PTH2R: variants seen among roughly 807,000 people sequenced by gnomAD.
PTH2R encodes the protein PTH2 receptor.
Under a neutral mutation model 60.3 loss-of-function variants are expected in PTH2R, and 59 were observed. The observed-to-expected ratio is 0.98, with a 90% CI of 0.79 to 1.22. The LOEUF (loss-of-function observed/expected upper bound fraction) is 1.22. Ranked by LOEUF, PTH2R falls within the 50% of genes most tolerant of loss-of-function variation. The pLI is 0.00. For synonymous variants in PTH2R, 256 were observed against 243.8 expected (o/e 1.05, Z -0.47); for missense variants, 749 against 682.6 (o/e 1.10, Z -1.08).
chr2:208,436,174 A>G (rs1702071097), intron 2 of PTH2R, among the ~76,000 whole-genome samples: 1 of 152,216 alleles, frequency 6.6e-6, no homozygotes, highest in South Asian at 2.1e-4. Context: ...GAAGGTGATG[A>G]GAACTCAGGT....
intron 2 of PTH2R, among the ~76,000 whole-genome samples, chr2:208,429,462 G>A (rs543086344): frequency 7.0e-4 from 107 of 152,192 alleles, no homozygotes; most frequent in Admixed American, 2.2e-3. Context: ...TAGATATACA[G>A]TAGCCCTCTT....
intron 9 of PTH2R, among the ~76,000 whole-genome samples, chr2:208,460,817 A>G (rs1212197523): frequency 6.6e-6 from 1 of 152,164 alleles, no homozygotes; most frequent in Non-Finnish European, 1.5e-5. Context: ...TATCTTGATA[A>G]TAAATGTTAA....
At chr2:208,473,919 T>C (rs1348640952) in intron 9 of PTH2R, among the ~76,000 whole-genome samples, 1 of 152,176 alleles carries the variant, frequency 6.6e-6, no homozygotes, top group Non-Finnish European at 1.5e-5. Flanking sequence ...CTTAGAATTA[T>C]AGGGTTTTGG....
chr2:208,397,061 A>G (rs186210331), intron 1 of PTH2R, among the ~76,000 whole-genome samples: 49 of 152,296 alleles, frequency 3.2e-4, no homozygotes, highest in African/African-American at 1.2e-3. Context: ...CAAGGACAGA[A>G]AACCAAACCT....
At chr2:208,463,583 A>C (rs1303164363) in intron 9 of PTH2R, among the ~76,000 whole-genome samples, 1 of 150,996 alleles carries the variant, frequency 6.6e-6, no homozygotes, top group Non-Finnish European at 1.5e-5. Flanking sequence ...AGAGTTAATC[A>C]CTGGGCTGCA....
intron 1 of PTH2R, among the ~76,000 whole-genome samples, chr2:208,386,529 A>G (rs1325341209): frequency 2.0e-5 from 3 of 152,158 alleles, no homozygotes; most frequent in Non-Finnish European, 4.4e-5. Context: ...TGTGTGTGTG[A>G]TACAGACAGA....
chr2:208,428,467 C>T (rs931456401), intron 2 of PTH2R, among the ~76,000 whole-genome samples, 164 bp downstream of exon 2: 12 of 152,178 alleles, frequency 7.9e-5, no homozygotes, highest in Admixed American at 6.5e-4. Context: ...TCATCTCTAC[C>T]CTACATGCTT....
chr2:208,362,451 T>G (rs991037824), intron 1 of PTH2R, among the ~76,000 whole-genome samples: 1 of 152,230 alleles, frequency 6.6e-6, no homozygotes, highest in Non-Finnish European at 1.5e-5. Context: ...ATATATGGTA[T>G]CTATGTATCT....
At chr2:208,429,362 T>G (rs534416848) in intron 2 of PTH2R, among the ~76,000 whole-genome samples, 2 of 152,328 alleles carry the variant, frequency 1.3e-5, no homozygotes, top group East Asian at 3.9e-4. Flanking sequence ...AAAAATTCAC[T>G]GGATATTTTT....
At chr2:208,409,697 T>C (rs1559211376) in intron 1 of PTH2R, among the ~76,000 whole-genome samples, 1 of 152,124 alleles carries the variant, frequency 6.6e-6, no homozygotes, top group Non-Finnish European at 1.5e-5. Flanking sequence ...GTTTTAAGGG[T>C]CTCTGTGGTT....
intron 9 of PTH2R, among the ~76,000 whole-genome samples, chr2:208,471,874 G>A (rs933413051): frequency 3.3e-5 from 5 of 152,244 alleles, no homozygotes; most frequent in Admixed American, 6.5e-5. Context: ...AAAGCCAAAA[G>A]GGCAGAGCTG....
At position 208,406,839 on chromosome 2, in the gene PTH2R, G is replaced by C. The variant is rs1013568482; in HGVS notation, c.-205G>C. ...GAAGACAAGACCAACCTCGCGCCGC[G>C]GCGCAGCAGCACGCGGGTTCTGAGA... On this transcript the variant is annotated 5_prime_UTR_variant, in exon 1 of 13. Transcript: ENST00000272847. 2.5e-6 allele frequency: 1 copy of C among 398,272 alleles called. No homozygotes were observed. The highest frequency in any genetic ancestry group is 3.6e-5 in the East Asian group (1 of 27,696). 24.7% of individuals were successfully genotyped at this position (398,272 alleles called of 1,614,324 possible).
intron 9 of PTH2R, among the ~76,000 whole-genome samples, chr2:208,480,454 G>A (rs1027464653): frequency 5.9e-5 from 9 of 152,080 alleles, no homozygotes; most frequent in Non-Finnish European, 2.9e-5. Context: ...CAGACAGAAA[G>A]GGGCTTATTC....
chr2:208,392,484 C>T (rs1425215144), intron 1 of PTH2R, among the ~76,000 whole-genome samples: 1 of 152,140 alleles, frequency 6.6e-6, no homozygotes, highest in Non-Finnish European at 1.5e-5. Context: ...GTTGCTCACA[C>T]TTCTGGATTA....
intron 1 of PTH2R, among the ~76,000 whole-genome samples, chr2:208,365,956 ATATATTTTTTTTTTTTTTTTTTTTTTT>A (rs1700582134): frequency 5.1e-5 from 1 of 19,438 alleles, no homozygotes; most frequent in Non-Finnish European, 8.7e-5. Flanking sequence ...ATATATATAT[ATATATTTTTTTTTTTTTTTTTTTTTTT>A]TTTTTTTTTT....
chr2:208,478,444 C>T (rs1315230660), intron 9 of PTH2R, among the ~76,000 whole-genome samples: 1 of 152,196 alleles, frequency 6.6e-6, no homozygotes, highest in East Asian at 1.9e-4. Flanking sequence ...TCATCAAAGC[C>T]AAAAGTGTAG....
At chr2:208,416,790 T>C (rs11902410) in intron 1 of PTH2R, among the ~76,000 whole-genome samples, 11,856 of 152,200 alleles carry the variant, frequency 0.078, 507 homozygotes, top group African/African-American at 0.084. Context: ...AAAGAGAGAC[T>C]GGCCTAGCCT....
chr2:208,425,820 C>T (rs771931585), intron 1 of PTH2R, among the ~76,000 whole-genome samples: 2 of 152,148 alleles, frequency 1.3e-5, no homozygotes, highest in African/African-American at 4.8e-5. Context: ...CCAGAGTTTC[C>T]AGCTTCTTTT....
At chr2:208,362,821 C>T (rs964107299) in intron 1 of PTH2R, among the ~76,000 whole-genome samples, 1 of 137,778 alleles carries the variant, frequency 7.3e-6, no homozygotes, top group African/African-American at 2.6e-5. Flanking sequence ...TCTCTACATC[C>T]ATACCAACAC....
Sources: allele counts gnomAD v4.1 joint callset (sites outside exome capture counted in the v4.1 genomes callset), GRCh38; gene constraint gnomAD v4.1.1; transcripts MANE v1.5; gene names NCBI Gene and HGNC (gene_info 2026-07-23, HGNC 2026-07-21).